SPINK4: variants seen among roughly 807,000 people sequenced by gnomAD.
The protein encoded by SPINK4 is serine protease inhibitor Kazal-type 4.
SPINK4 carries 10 observed loss-of-function variants against 12.3 expected under a neutral mutation model. The observed-to-expected ratio is 0.81, with a 90% CI of 0.50 to 1.37. SPINK4 has a LOEUF of 1.37. SPINK4 is among the 40% of genes most tolerant of loss of function. The probability of loss-of-function intolerance (pLI) is 0.00; values close to 1 mark genes in which losing one functional copy is unlikely to be tolerated. For missense variants in SPINK4, 91 were observed against 109.0 expected, an observed-to-expected ratio of 0.84 and a Z score of 0.73; for synonymous variants, 37 against 40.2, an observed-to-expected ratio of 0.92 and a Z score of 0.30.
intron 3 of SPINK4, 110 bp from the exon 4 acceptor site, chr9:33,248,316 C>A (rs1041019690): frequency 2.1e-5 from 23 of 1,087,172 alleles, no homozygotes; most frequent in South Asian, 2.8e-5. Flanking sequence ...CCATACACTG[C>A]ATATGTGGGC....
At chr9:33,243,571 A>T (rs1820259876) in intron 1 of SPINK4, among the ~76,000 whole-genome samples, 1 of 152,212 alleles carries the variant, frequency 6.6e-6, no homozygotes, top group South Asian at 2.1e-4. Context: ...TCTTATGCTC[A>T]GCAAACTATT....
At position 33,240,254 on chromosome 9, in the gene SPINK4, C is replaced by A; in HGVS notation, c.46C>A (p.Leu16Ile). ...WVIALALAAL[L>I]VVDREVPVAA... ...AATCGCCCTGGCCTTGGCTGCCCTC[C>A]TTGTTGTGGACAGGGGTGAGTGGGC... Residue 16 changes from leucine (L) to isoleucine (I), a missense_variant, in exon 1 of 4, where the codon CTT becomes ATT. By Grantham distance (5) the Leu-to-Ile change is conservative. Coordinates refer to ENST00000379721, the MANE Select transcript of SPINK4 (RefSeq NM_014471.3). 6.2e-7 allele frequency: 1 copy of A among 1,604,934 alleles called. No homozygotes were observed. The highest frequency in any genetic ancestry group is 2.3e-5 in the East Asian group (1 of 44,016).
intron 1 of SPINK4, among the ~76,000 whole-genome samples, chr9:33,242,156 C>G (rs1820243604): frequency 6.6e-6 from 1 of 152,136 alleles, no homozygotes; most frequent in Admixed American, 6.6e-5. Context: ...GGGATTACAC[C>G]AATGCACTTT....
chr9:33,242,303 G>A (rs961817669), intron 1 of SPINK4, among the ~76,000 whole-genome samples: 2 of 152,078 alleles, frequency 1.3e-5, no homozygotes, highest in African/African-American at 4.8e-5. Context: ...ACATGGTGGT[G>A]TGAAAGAAGC....
chr9:33,247,869 G>T (rs1240764851), intron 3 of SPINK4: 1 of 153,756 alleles, frequency 6.5e-6, no homozygotes, highest in Admixed American at 6.4e-5. Flanking sequence ...GGAACATCAG[G>T]ATGTTGTCCT....
intron 1 of SPINK4, among the ~76,000 whole-genome samples, chr9:33,240,878 G>T (rs1408732137): frequency 6.6e-6 from 1 of 152,176 alleles, no homozygotes; most frequent in East Asian, 1.9e-4. Flanking sequence ...AACAGAAAAA[G>T]CACGGTCCTG....
intron 2 of SPINK4, among the ~76,000 whole-genome samples, chr9:33,245,797 A>G (rs755799601): frequency 6.6e-6 from 1 of 152,248 alleles, no homozygotes; most frequent in Non-Finnish European, 1.5e-5. Context: ...CAAAGAGCCA[A>G]ATAGTTTACA....
intron 3 of SPINK4, among the ~76,000 whole-genome samples, chr9:33,247,009 G>A (rs974741665): frequency 3.9e-5 from 6 of 151,966 alleles, no homozygotes; most frequent in African/African-American, 1.2e-4. Flanking sequence ...TTTTTCATTC[G>A]TCTAGCCAGC....
chr9:33,246,031 C>T (rs1009000904), intron 2 of SPINK4, among the ~76,000 whole-genome samples: 1 of 152,178 alleles, frequency 6.6e-6, no homozygotes, highest in Non-Finnish European at 1.5e-5. Flanking sequence ...TGAGTTCTCA[C>T]CTTGACCTCA....
intron 2 of SPINK4, among the ~76,000 whole-genome samples, chr9:33,245,959 C>T (rs1236517700): frequency 2.0e-5 from 3 of 152,218 alleles, no homozygotes; most frequent in South Asian, 4.1e-4. Context: ...CGGGCCTTCA[C>T]GGTTGCACCG....
intron 2 of SPINK4, among the ~76,000 whole-genome samples, chr9:33,245,945 G>C (rs1820280702): frequency 6.6e-6 from 1 of 152,138 alleles, no homozygotes; most frequent in African/African-American, 2.4e-5. Flanking sequence ...AGGTTTCTAG[G>C]GTTCGGGCCT....
intron 1 of SPINK4, among the ~76,000 whole-genome samples, chr9:33,243,949 CTG>C (rs1387817963): frequency 6.6e-6 from 1 of 152,186 alleles, no homozygotes; most frequent in Non-Finnish European, 1.5e-5. Context: ...ATAGCTCCCA[CTG>C]AGAGAAAATT....
intron 2 of SPINK4, among the ~76,000 whole-genome samples, chr9:33,246,401 T>C (rs981331748): frequency 1.3e-5 from 2 of 152,168 alleles, no homozygotes; most frequent in Admixed American, 6.5e-5. Flanking sequence ...TATGTACACA[T>C]CCAGCCATAG....
At chr9:33,245,345 C>A (rs908165185) in intron 2 of SPINK4, among the ~76,000 whole-genome samples, 193 bp downstream of exon 2, 24 of 152,208 alleles carry the variant, frequency 1.6e-4, no homozygotes, top group African/African-American at 5.3e-4. Flanking sequence ...GCCCCCTCAC[C>A]CAAGTCCCAA....
At chr9:33,243,066 T>TTTTA (rs960616902) in intron 1 of SPINK4, among the ~76,000 whole-genome samples, 5 of 151,344 alleles carry the variant, frequency 3.3e-5, no homozygotes, top group African/African-American at 4.9e-5. Context: ...TTAAATTTAT[T>TTTTA]TTTATTTATT....
At chr9:33,246,470 G>T in intron 2 of SPINK4, 146 bp from the exon 3 acceptor site, 1 of 657,536 alleles carries the variant, frequency 1.5e-6, no homozygotes, top group Non-Finnish European at 2.7e-6. Flanking sequence ...GCTCTGAGTG[G>T]TTGGTTTCAT....
At chr9:33,245,448 G>A (rs1820276230) in intron 2 of SPINK4, among the ~76,000 whole-genome samples, 1 of 152,178 alleles carries the variant, frequency 6.6e-6, no homozygotes, top group Non-Finnish European at 1.5e-5. Flanking sequence ...GCAGGACAGG[G>A]TGTGCTCTCT....
rs924490586 is a variant in SPINK4 at position 33,248,330 on chromosome 9, G to A, written c.216-96G>A. On this transcript the variant is annotated intron_variant, in intron 3 of 3. Coordinates refer to ENST00000379721, the MANE Select transcript of SPINK4 (RefSeq NM_014471.3). ...TCCATACACTGCATATGTGGGCGAC[G>A]CTCAGCAGGATGTCTGGATGGACTG... 2.0e-5 allele frequency: 27 copies of A among 1,320,850 alleles called. No homozygotes were observed. In the African/African-American group the frequency reaches 2.7e-4, roughly 13 times the overall value. 81.8% of individuals were successfully genotyped at this position (1,320,850 alleles called of 1,614,324 possible).
chr9:33,246,622 T>G lies in SPINK4; in HGVS notation c.109T>G (p.Cys37Gly), dbSNP rs748425264. Residue 37 changes from cysteine to glycine, a missense_variant, in exon 3 of 4, where the codon TGT becomes GGT. Transcript: ENST00000379721. ...CCTCCCTTCTCTTCCACAGCCCATCTGTGAACACATGGTAGAGTCTCCAAC... is the reference window on the plus strand; with the variant it reads ...CCTCCCTTCTCTTCCACAGCCCATCGGTGAACACATGGTAGAGTCTCCAAC... The part of the protein sequence containing the change: ...GKLPFSRMPI[C>G]EHMVESPTCS... The G allele has an allele frequency of 7.4e-6, 12 of 1,613,736 alleles. No individual in the cohort carries two copies. The highest frequency in any genetic ancestry group is 1.0e-5 in the Non-Finnish European group (12 of 1,179,878).
Sources: gnomAD v4.1 joint callset for allele counts (sites outside exome capture counted in the v4.1 genomes callset) on GRCh38, gnomAD v4.1.1 for gene constraint, MANE v1.5 for transcripts, NCBI Gene and HGNC (gene_info 2026-07-23, HGNC 2026-07-21) for gene names.